ATXN1: variants seen among roughly 807,000 people sequenced by gnomAD.
The protein encoded by ATXN1 is ataxin-1.
In ATXN1, 8 loss-of-function variants were observed where a neutral mutation model predicts 56.4. The ratio of observed to expected loss-of-function variants is 0.14; its 90% confidence interval spans 0.08 to 0.26. The LOEUF (loss-of-function observed/expected upper bound fraction) is 0.26. Among genes scored for constraint, ATXN1 ranks in the 10% least tolerant of loss-of-function variants. The pLI is 1.00. For missense variants in ATXN1, 987 were observed against 1,106.5 expected (o/e 0.89, Z 1.53); for synonymous variants, 514 against 494.6 (o/e 1.04, Z -0.52).
chr6:16,427,046 C>G (rs1759172079), intron 6 of ATXN1, among the ~76,000 whole-genome samples: 1 of 152,104 alleles, frequency 6.6e-6, no homozygotes, highest in South Asian at 2.1e-4. Context: ...CGGAGAAGAG[C>G]AGGAGGCATC....
chr6:16,698,486 C>T (rs1473047911), intron 2 of ATXN1, among the ~76,000 whole-genome samples: 1 of 152,100 alleles, frequency 6.6e-6, no homozygotes, highest in Non-Finnish European at 1.5e-5. Flanking sequence ...GGCACACATG[C>T]AGTCATTAAA....
intron 2 of ATXN1, among the ~76,000 whole-genome samples, chr6:16,708,532 C>G (rs1561817265): frequency 6.6e-6 from 1 of 152,154 alleles, no homozygotes; most frequent in Non-Finnish European, 1.5e-5. Flanking sequence ...CATTGCAAGA[C>G]CTCGGCTGAA....
chr6:16,684,484 C>T (rs913049108), intron 2 of ATXN1, among the ~76,000 whole-genome samples: 8 of 152,192 alleles, frequency 5.3e-5, no homozygotes, highest in African/African-American at 1.4e-4. Flanking sequence ...CTCACTCTGT[C>T]GCCCAGGCTG....
intron 6 of ATXN1, among the ~76,000 whole-genome samples, chr6:16,373,326 T>C (rs1681854127): frequency 6.6e-6 from 1 of 152,256 alleles, no homozygotes; most frequent in Non-Finnish European, 1.5e-5. Context: ...TTTTTACTTA[T>C]TTTATTTTCT....
chr6:16,525,706 G>A lies in ATXN1; in HGVS notation c.-360-3018C>T, dbSNP rs981029699. The stretch of plus-strand genomic sequence containing the variant: ...GTTGTAATGGATAAATGCTTGAGTG[G>A]ATGGATACCCCATTCTTCATGATGT... On this transcript the variant is annotated intron_variant, in intron 4 of 7. Coordinates refer to ENST00000436367, the MANE Select transcript of ATXN1 (RefSeq NM_001128164.2). 5.3e-5 allele frequency among the ~76,000 whole-genome samples: 8 copies of A among 152,006 alleles called. No individual in the cohort carries two copies. The East Asian group carries it at 1.5e-3, about 29-fold the overall frequency.
rs555233578 is a variant in ATXN1, at chr6:16,539,460, T to C, written c.-360-16772A>G. 9.9e-5 allele frequency among the ~76,000 whole-genome samples: 15 copies of C among 152,210 alleles called. 1 individual carries two copies. Among genetic ancestry groups the C allele is most frequent in the Admixed American group, 2.6e-4 (4 of 15,286 alleles). ...ACACGGTCATGGAAGTTATGGAGAA[T>C]TGGAATCTAATGAAAAGAGATAAGA... On this transcript the variant is annotated intron_variant, in intron 4 of 7. Coordinates refer to ENST00000436367, the MANE Select transcript of ATXN1 (RefSeq NM_001128164.2).
At chr6:16,335,667 A>C (rs988414083) in intron 6 of ATXN1, among the ~76,000 whole-genome samples, 2 of 152,222 alleles carry the variant, frequency 1.3e-5, no homozygotes, top group African/African-American at 2.4e-5. Flanking sequence ...ATTTGGAAAA[A>C]GGGTCTTTGC....
intron 2 of ATXN1, among the ~76,000 whole-genome samples, chr6:16,722,130 T>C (rs1759757798): frequency 6.6e-6 from 1 of 152,226 alleles, no homozygotes; most frequent in Admixed American, 6.5e-5. Flanking sequence ...TTGCAAACTA[T>C]GCAGCATTAA....
chr6:16,552,999 A>T (rs974499873), intron 4 of ATXN1, among the ~76,000 whole-genome samples: 1 of 152,268 alleles, frequency 6.6e-6, no homozygotes, highest in African/African-American at 2.4e-5. Flanking sequence ...CCTTGTGGGC[A>T]ATCGCACAGA....
At chr6:16,660,800 A>G (rs1352068297) in intron 2 of ATXN1, among the ~76,000 whole-genome samples, 1 of 151,132 alleles carries the variant, frequency 6.6e-6, no homozygotes, top group Admixed American at 6.6e-5. Context: ...TAGAATATCA[A>G]CTCAGGGAAA....
At position 16,327,657 on chromosome 6, in the gene ATXN1, C is replaced by CTGCTGCTGATGCTGA. The variant is rs1561852846; in HGVS notation, c.653_654insTCAGCATCAGCAGCA (p.Gln217_Gln218insHisGlnHisGlnGln). The CTGCTGCTGATGCTGA allele has an allele frequency of 1.9e-5, 29 of 1,554,226 alleles. No individual in the cohort carries two copies. In the East Asian group the frequency reaches 2.8e-4, roughly 15 times the overall value. On this transcript the variant is annotated inframe_insertion, in exon 7 of 8. Transcript: ENST00000436367. ...GGTGCTGCTGCTGCTGCTGCTGCTGCTGCTGCTGCTGCTGCTGCTGATGCT... is the reference window on the plus strand; with the variant it reads ...GGTGCTGCTGCTGCTGCTGCTGCTGCTGCTGCTGATGCTGATGCTGCTGCTGCTGCTGCTGATGCT...
intron 2 of ATXN1, among the ~76,000 whole-genome samples, chr6:16,711,877 G>A (rs1346057659): frequency 1.3e-5 from 2 of 152,154 alleles, no homozygotes; most frequent in Non-Finnish European, 2.9e-5. Flanking sequence ...CTTGGCCTCT[G>A]GCTAGCATTT....
intron 6 of ATXN1, among the ~76,000 whole-genome samples, chr6:16,392,972 A>G (rs1490540786): frequency 6.6e-6 from 1 of 152,216 alleles, no homozygotes; most frequent in East Asian, 1.9e-4. Context: ...ATTTGACAGT[A>G]ACTCTCATAA....
intron 3 of ATXN1, among the ~76,000 whole-genome samples, chr6:16,634,726 G>T (rs1198150877): frequency 6.6e-6 from 1 of 152,144 alleles, no homozygotes; most frequent in African/African-American, 2.4e-5. Context: ...GTTGTAGCAT[G>T]TATTAATACT....
intron 6 of ATXN1, among the ~76,000 whole-genome samples, chr6:16,381,180 G>A (rs887671732): frequency 6.6e-5 from 10 of 152,164 alleles, no homozygotes; most frequent in African/African-American, 1.7e-4. Flanking sequence ...CCAGCTACTC[G>A]GGAGAATGAG....
intron 2 of ATXN1, among the ~76,000 whole-genome samples, chr6:16,664,100 C>T (rs1358864468): frequency 6.6e-6 from 1 of 152,138 alleles, no homozygotes; most frequent in East Asian, 1.9e-4. Flanking sequence ...TACCACTTAA[C>T]CTGCAATTTG....
chr6:16,443,084 A>G (rs1045002101), intron 6 of ATXN1, among the ~76,000 whole-genome samples: 2 of 151,984 alleles, frequency 1.3e-5, no homozygotes, highest in African/African-American at 4.8e-5. Flanking sequence ...TGGGGGGCTG[A>G]GGCAGAAGGA....
intron 6 of ATXN1, among the ~76,000 whole-genome samples, chr6:16,417,444 T>A (rs985183427): frequency 8.6e-5 from 12 of 138,880 alleles, no homozygotes; most frequent in Non-Finnish European, 1.9e-4. Flanking sequence ...GTTTCTTATT[T>A]TTTTTTTTTC....
intron 6 of ATXN1, among the ~76,000 whole-genome samples, chr6:16,333,836 TGTGTGGTGCACTG>T (rs899086189): frequency 1.3e-5 from 2 of 152,222 alleles, no homozygotes; most frequent in Non-Finnish European, 2.9e-5. Flanking sequence ...CTGGAAGGCC[TGTGTGGTGCACTG>T]GCAGAAAGCA....
Sources: allele counts gnomAD v4.1 joint callset (sites outside exome capture counted in the v4.1 genomes callset), GRCh38; gene constraint gnomAD v4.1.1; transcripts MANE v1.5; gene names NCBI Gene and HGNC (gene_info 2026-07-23, HGNC 2026-07-21).